The following KCTD8 variants were observed in gnomAD, a reference collection of about 807,000 sequenced individuals.
KCTD8 encodes BTB/POZ domain-containing protein KCTD8.
In KCTD8, 27 loss-of-function variants were observed where a neutral mutation model predicts 31.5. The observed-to-expected ratio is 0.86, with a 90% CI of 0.63 to 1.18. The LOEUF is 1.18. Ranked by LOEUF, KCTD8 falls within the 50% of genes most tolerant of loss-of-function variation. The probability of loss-of-function intolerance (pLI) is 0.00; values close to 1 mark genes in which losing one functional copy is unlikely to be tolerated. For synonymous variants in KCTD8, 290 were observed against 280.0 expected, an observed-to-expected ratio of 1.04 and a Z score of -0.36; for missense variants, 658 against 647.7, an observed-to-expected ratio of 1.02 and a Z score of -0.17.
chr4:44,409,023 G>A (rs1720889942), intron 1 of KCTD8, among the ~76,000 whole-genome samples: 1 of 151,764 alleles, frequency 6.6e-6, no homozygotes, highest in South Asian at 2.1e-4. Flanking sequence ...TGGGAGGATT[G>A]TTTGTGTCCA....
At chr4:44,210,829 A>G (rs1577832812) in intron 1 of KCTD8, among the ~76,000 whole-genome samples, 1 of 152,170 alleles carries the variant, frequency 6.6e-6, no homozygotes, top group Admixed American at 6.5e-5. Flanking sequence ...TTCTGCTTCA[A>G]GCTATAAGAG....
chr4:44,413,325 T>C (rs1721001656), intron 1 of KCTD8, among the ~76,000 whole-genome samples: 2 of 152,176 alleles, frequency 1.3e-5, no homozygotes, highest in South Asian at 2.1e-4. Context: ...ATAGCATTCG[T>C]ATAAAATGAG....
intron 1 of KCTD8, among the ~76,000 whole-genome samples, chr4:44,383,646 C>G (rs1422043395): frequency 6.6e-6 from 1 of 151,940 alleles, no homozygotes; most frequent in Non-Finnish European, 1.5e-5. Context: ...ATCCCTACCT[C>G]TCACCACATT....
intron 1 of KCTD8, among the ~76,000 whole-genome samples, chr4:44,381,814 C>G (rs1720073059): frequency 6.6e-6 from 1 of 152,050 alleles, no homozygotes; most frequent in African/African-American, 2.4e-5. Context: ...TCCCCTTCAC[C>G]TTTCACCATG....
chr4:44,248,921 C>T (rs754546180), intron 1 of KCTD8, among the ~76,000 whole-genome samples: 3 of 151,748 alleles, frequency 2.0e-5, no homozygotes, highest in African/African-American at 4.8e-5. Context: ...TCTCTTGTGC[C>T]GGAACCATTG....
In KCTD8 at chr4:44,295,593, C is replaced by G. The variant is rs911939194; in HGVS notation, c.962-120343G>C. Among the ~76,000 whole-genome samples the G allele has an allele frequency of 2.0e-5, 3 of 151,936 alleles. No homozygotes were observed. The East Asian group carries it at 5.8e-4, about 29-fold the overall frequency. On this transcript the variant is annotated intron_variant, in intron 1 of 1. Transcript: ENST00000360029. ...TTCTTTAAAATTTGATAAGTATTACCTGTCATTTATTTTGATATGCGTCAG... is the reference window on the plus strand; with the variant it reads ...TTCTTTAAAATTTGATAAGTATTACGTGTCATTTATTTTGATATGCGTCAG...
chr4:44,253,472 G>T (rs1043684037), intron 1 of KCTD8, among the ~76,000 whole-genome samples: 1 of 151,678 alleles, frequency 6.6e-6, no homozygotes, highest in African/African-American at 2.4e-5. Context: ...TATCTGGGCT[G>T]GTTTTGCAAA....
chr4:44,180,332 G>GT lies in KCTD8; in HGVS notation c.962-5083dup, dbSNP rs548812910. On this transcript the variant is annotated intron_variant, in intron 1 of 1. Transcript: ENST00000360029. ...TCTCATATTAACCTAAGATTTATCTGTAAAAAAAAAGAGTTAATTATTTTA... is the reference window on the plus strand; with the variant it reads ...TCTCATATTAACCTAAGATTTATCTGTTAAAAAAAAAGAGTTAATTATTTTA... Among the ~76,000 whole-genome samples, 791 of 151,858 alleles carry GT rather than the reference G, an allele frequency of 5.2e-3. 2 individuals are homozygous for GT. The highest frequency in any genetic ancestry group is 0.019 in the African/African-American group (777 of 41,426).
intron 1 of KCTD8, among the ~76,000 whole-genome samples, chr4:44,309,506 T>C (rs747703371): frequency 1.3e-4 from 20 of 152,200 alleles, no homozygotes; most frequent in Non-Finnish European, 2.1e-4. Flanking sequence ...GGATCAACAA[T>C]ATTCTGAAAA....
At chr4:44,429,268 A>G (rs898039978) in intron 1 of KCTD8, among the ~76,000 whole-genome samples, 19 of 151,854 alleles carry the variant, frequency 1.3e-4, no homozygotes, top group Non-Finnish European at 1.5e-5. Flanking sequence ...AGTATTGGAC[A>G]AGGGCTCACA....
intron 1 of KCTD8, among the ~76,000 whole-genome samples, chr4:44,260,378 G>T (rs1716126020): frequency 6.6e-6 from 1 of 151,356 alleles, no homozygotes. Flanking sequence ...TGCTTTCAAG[G>T]GATTTACCTT....
intron 1 of KCTD8, among the ~76,000 whole-genome samples, chr4:44,239,906 T>G (rs890455537): frequency 5.3e-5 from 8 of 152,216 alleles, no homozygotes; most frequent in Non-Finnish European, 8.8e-5. Context: ...TTAATACCTG[T>G]GTTCTCTTGG....
chr4:44,175,266 A>G lies in KCTD8; in HGVS notation c.962-16T>C, dbSNP rs1184459600. The G allele has an allele frequency of 1.4e-6, 2 of 1,432,262 alleles. No individual in the cohort carries two copies. The highest frequency in any genetic ancestry group is 1.9e-6 in the Non-Finnish European group (2 of 1,060,070). 88.7% of individuals were successfully genotyped at this position (1,432,262 alleles called of 1,614,324 possible). On this transcript the variant is annotated splice_polypyrimidine_tract_variant and intron_variant, in intron 1 of 1. Coordinates refer to ENST00000360029, the MANE Select transcript of KCTD8 (RefSeq NM_198353.3). ...TGAGGTGGTCCTAAAAAGGAGGAAA[A>G]AAAAAGAAGAAGAGTAGAACAGTTG...
chr4:44,237,869 C>G (rs559925514), intron 1 of KCTD8, among the ~76,000 whole-genome samples: 37 of 152,214 alleles, frequency 2.4e-4, no homozygotes, highest in African/African-American at 8.4e-4. Context: ...AGAGATTAAA[C>G]AGAAACCAGT....
chr4:44,307,203 T>C (rs758110650), intron 1 of KCTD8, among the ~76,000 whole-genome samples: 11 of 152,016 alleles, frequency 7.2e-5, no homozygotes, highest in Admixed American at 4.6e-4. Flanking sequence ...ACTGAGTGAA[T>C]GTTTGCTAGG....
chr4:44,366,297 T>G (rs1193153410), intron 1 of KCTD8, among the ~76,000 whole-genome samples: 2 of 152,088 alleles, frequency 1.3e-5, no homozygotes, highest in African/African-American at 2.4e-5. Flanking sequence ...TGATTCCCAG[T>G]GTTAGGGAGG....
At chr4:44,296,460 G>A (rs2109388870) in intron 1 of KCTD8, among the ~76,000 whole-genome samples, 1 of 152,150 alleles carries the variant, frequency 6.6e-6, no homozygotes, top group East Asian at 1.9e-4. Flanking sequence ...CAGAATTGGG[G>A]ATCCAACAAT....
chr4:44,250,263 T>C (rs1331107906), intron 1 of KCTD8, among the ~76,000 whole-genome samples: 1 of 151,738 alleles, frequency 6.6e-6, no homozygotes, highest in Admixed American at 6.6e-5. Context: ...AATATACTAG[T>C]TTCTGTGTCC....
At chr4:44,234,519 A>G (rs1190794351) in intron 1 of KCTD8, among the ~76,000 whole-genome samples, 1 of 152,196 alleles carries the variant, frequency 6.6e-6, no homozygotes, top group Admixed American at 6.5e-5. Context: ...CTTTTTCTCT[A>G]GTAGTATTAA....
Sources: allele counts gnomAD v4.1 joint callset (sites outside exome capture counted in the v4.1 genomes callset), GRCh38; gene constraint gnomAD v4.1.1; transcripts MANE v1.5; gene names NCBI Gene and HGNC (gene_info 2026-07-23, HGNC 2026-07-21).